Variants in PCDH9 observed in about 807,000 individuals in gnomAD.
The protein encoded by PCDH9 is protocadherin 9.
In PCDH9, 24 loss-of-function variants were observed where a neutral mutation model predicts 70.6. The observed-to-expected ratio is 0.34, with a 90% CI of 0.25 to 0.48. The LOEUF (loss-of-function observed/expected upper bound fraction) is 0.48, where lower values mean the gene tolerates loss of function less well. Ranked by LOEUF, PCDH9 falls within the 20% of genes least tolerant of loss-of-function variation. The pLI, the probability that PCDH9 is intolerant of heterozygous loss-of-function variation, is 0.99. For missense variants in PCDH9, 1,281 were observed against 1,503.6 expected (o/e 0.85, Z 2.45); for synonymous variants, 562 against 558.5 (o/e 1.01, Z -0.09).
At chr13:66,635,713 T>G (rs919215217) in intron 3 of PCDH9, among the ~76,000 whole-genome samples, 1 of 152,122 alleles carries the variant, frequency 6.6e-6, no homozygotes, top group African/African-American at 2.4e-5. Flanking sequence ...GCTTGAATGG[T>G]TCTCTTATGT....
intron 4 of PCDH9, among the ~76,000 whole-genome samples, chr13:66,352,882 AG>A (rs1392611569): frequency 9.2e-5 from 14 of 152,202 alleles, no homozygotes; most frequent in Non-Finnish European, 1.6e-4. Flanking sequence ...GGCAACTTAC[AG>A]AAAAGCACCA....
intron 4 of PCDH9, among the ~76,000 whole-genome samples, chr13:66,629,280 T>C (rs185916007): frequency 6.6e-6 from 1 of 152,354 alleles, no homozygotes; most frequent in East Asian, 1.9e-4. Context: ...TTTTTGGTTT[T>C]GTCTGAGGCC....
intron 3 of PCDH9, among the ~76,000 whole-genome samples, chr13:66,676,615 A>G (rs1013664212): frequency 3.3e-5 from 5 of 152,074 alleles, no homozygotes; most frequent in Non-Finnish European, 7.4e-5. Context: ...TACCCCCAAA[A>G]CAGGTCTCTT....
intron 2 of PCDH9, among the ~76,000 whole-genome samples, chr13:66,963,361 C>T (rs9317631): frequency 0.27 from 41,700 of 151,984 alleles, 6,284 homozygotes; most frequent in East Asian, 0.61. Flanking sequence ...TGAAGAGAGG[C>T]GCAAAACATT....
chr13:67,169,734 A>G (rs2088225397), intron 2 of PCDH9, among the ~76,000 whole-genome samples: 1 of 152,218 alleles, frequency 6.6e-6, no homozygotes, highest in Admixed American at 6.5e-5. Flanking sequence ...TAAGAGCAAC[A>G]TTTTTATTAT....
intron 4 of PCDH9, among the ~76,000 whole-genome samples, chr13:66,600,900 G>A (rs1477356695): frequency 4.2e-5 from 6 of 144,138 alleles, no homozygotes; most frequent in Non-Finnish European, 9.3e-5. Context: ...ATTTGCTTGA[G>A]AACACTTAAC....
At chr13:67,194,541 TA>T (rs1034902371) in intron 2 of PCDH9, among the ~76,000 whole-genome samples, 1 of 152,152 alleles carries the variant, frequency 6.6e-6, no homozygotes, top group African/African-American at 2.4e-5. Context: ...AATTTGCTAC[TA>T]AAAACTGAGG....
intron 2 of PCDH9, among the ~76,000 whole-genome samples, chr13:67,182,077 A>G (rs556452780): frequency 5.1e-4 from 77 of 152,264 alleles, no homozygotes; most frequent in African/African-American, 1.9e-3. Flanking sequence ...TGTTACCAAC[A>G]TCAGTTTCAA....
At chr13:67,182,001 T>G (rs1324189880) in intron 2 of PCDH9, among the ~76,000 whole-genome samples, 1 of 152,134 alleles carries the variant, frequency 6.6e-6, no homozygotes, top group African/African-American at 2.4e-5. Context: ...CTGTGGTGGT[T>G]CCTCTCCTCC....
At chr13:66,875,490 A>G (rs182140036) in intron 3 of PCDH9, among the ~76,000 whole-genome samples, 23 of 152,312 alleles carry the variant, frequency 1.5e-4, no homozygotes, top group African/African-American at 4.6e-4. Context: ...AGACACACAA[A>G]GCATACAAAG....
chr13:66,649,082 G>A (rs961218305), intron 3 of PCDH9, among the ~76,000 whole-genome samples: 3 of 151,950 alleles, frequency 2.0e-5, no homozygotes, highest in African/African-American at 7.2e-5. Context: ...GCCTAAAAAG[G>A]GCACATCTAA....
chr13:66,525,497 G>A (rs957451600), intron 4 of PCDH9, among the ~76,000 whole-genome samples: 39 of 152,072 alleles, frequency 2.6e-4, no homozygotes, highest in African/African-American at 8.7e-4. Context: ...ACTTCCATTA[G>A]CACTTACACT....
In PCDH9 at chr13:66,775,382, T is replaced by C. The variant is rs117837412; in HGVS notation, c.3138+128122A>G. ...GACGAGCAGGTACAAACAGAGACTG[T>C]TGCCAGCAAACCAGGACAGAGTGAC... is the stretch of plus-strand genomic sequence containing the variant. On this transcript the variant is annotated intron_variant, in intron 3 of 4. Coordinates refer to ENST00000377865, the MANE Select transcript of PCDH9 (RefSeq NM_203487.3). Among the ~76,000 whole-genome samples, 48 of 152,320 alleles carry C rather than the reference T, an allele frequency of 3.2e-4. No homozygotes were observed. In the East Asian group the frequency reaches 7.7e-3, roughly 25 times the overall value.
chr13:67,103,704 G>T (rs2086479005), intron 2 of PCDH9, among the ~76,000 whole-genome samples: 1 of 152,132 alleles, frequency 6.6e-6, no homozygotes, highest in Non-Finnish European at 1.5e-5. Context: ...ATGGATGACA[G>T]ACAAGAAACA....
intron 2 of PCDH9, among the ~76,000 whole-genome samples, chr13:67,140,335 G>A (rs2087351177): frequency 6.6e-6 from 1 of 152,092 alleles, no homozygotes; most frequent in Non-Finnish European, 1.5e-5. Context: ...GCTAAGGTAA[G>A]ATAAGTTTGC....
At chr13:66,726,858 C>T (rs1170355427) in intron 3 of PCDH9, among the ~76,000 whole-genome samples, 1 of 152,182 alleles carries the variant, frequency 6.6e-6, no homozygotes, top group Non-Finnish European at 1.5e-5. Context: ...CTGATTATCT[C>T]AAATATTTTC....
intron 4 of PCDH9, among the ~76,000 whole-genome samples, chr13:66,433,591 G>T (rs910736660): frequency 6.6e-6 from 1 of 150,738 alleles, no homozygotes; most frequent in Non-Finnish European, 1.5e-5. Context: ...ATATTAAAGT[G>T]TATATTTTAA....
chr13:66,418,184 T>A (rs551441395), intron 4 of PCDH9, among the ~76,000 whole-genome samples: 28 of 152,226 alleles, frequency 1.8e-4, no homozygotes, highest in Non-Finnish European at 4.0e-4. Flanking sequence ...ATTTTTTGTA[T>A]AAGGTCTAAG....
chr13:66,845,068 A>G (rs1039118621), intron 3 of PCDH9, among the ~76,000 whole-genome samples: 2 of 151,922 alleles, frequency 1.3e-5, no homozygotes, highest in African/African-American at 4.8e-5. Flanking sequence ...CTGAAAAAAG[A>G]GCCATAAGTT....
Sources: gnomAD v4.1 joint callset for allele counts (sites outside exome capture counted in the v4.1 genomes callset) on GRCh38, gnomAD v4.1.1 for gene constraint, MANE v1.5 for transcripts, NCBI Gene and HGNC (gene_info 2026-07-23, HGNC 2026-07-21) for gene names.